Variants in USP11 observed in about 807,000 individuals in gnomAD.
The protein encoded by USP11 is ubiquitin specific peptidase 11.
A neutral mutation model predicts 72.8 loss-of-function variants in USP11; 5 were observed. That is an observed-to-expected ratio of 0.07 (90% CI 0.04 to 0.14). The LOEUF (loss-of-function observed/expected upper bound fraction) is 0.14, where lower values mean the gene tolerates loss of function less well. USP11 is among the 10% of genes least tolerant of loss of function. The pLI, the probability that USP11 is intolerant of heterozygous loss-of-function variation, is 1.00. For missense variants in USP11, 480 were observed against 794.7 expected (o/e 0.60, Z 4.76); for synonymous variants, 368 against 326.5 (o/e 1.13, Z -1.37).
intron 1 of USP11, chrX:47,233,749 G>A: frequency 7.7e-6 from 1 of 130,579 alleles, no homozygotes; most frequent in Non-Finnish European, 1.4e-5. Context: ...ACGAGGTTAG[G>A]TTGGTGACGT....
At chrX:47,235,275 A>T (rs2055366646) in intron 1 of USP11, among the ~76,000 whole-genome samples, 1 of 112,154 alleles carries the variant, frequency 8.9e-6, no homozygotes, top group Non-Finnish European at 1.9e-5. Flanking sequence ...ACATATATAT[A>T]AAATTCTACT....
chrX:47,243,670 T>A (rs766557473), intron 13 of USP11, 68 bp downstream of exon 13: 10 of 1,001,851 alleles, frequency 1.0e-5, no homozygotes, highest in Non-Finnish European at 1.4e-5. Context: ...GTTTAGCTGC[T>A]TATTTGACAC....
intron 2 of USP11, 85 bp downstream of exon 2, chrX:47,239,264 G>T: frequency 1.7e-6 from 2 of 1,177,234 alleles, no homozygotes; most frequent in Non-Finnish European, 2.3e-6. Context: ...CCCATTCTGT[G>T]TGCTAGGTCA....
At chrX:47,246,715 A>T (rs1285788745) in intron 17 of USP11, among the ~76,000 whole-genome samples, 1 of 110,450 alleles carries the variant, frequency 9.1e-6, no homozygotes, top group Non-Finnish European at 1.9e-5. Context: ...GGCGCACAGT[A>T]GGTGCTCAGA....
chrX:47,245,095 G>C lies in USP11; in HGVS notation c.2157+9G>C, dbSNP rs774964795. The C allele has an allele frequency of 1.7e-6, 2 of 1,207,117 alleles. No individual in the cohort carries two copies. The highest frequency in any genetic ancestry group is 2.2e-5 in the Admixed American group (1 of 45,610). On this transcript the variant is annotated intron_variant, in intron 16 of 20. Coordinates refer to ENST00000377107, the MANE Select transcript of USP11 (RefSeq NM_001371072.1). ...ACGAGGTAGAGGCTGAGGTAAATGA[G>C]ATCCCAGGGATGGGGGGTACTTCCA...
At chrX:47,244,397 T>A (rs755754746) in intron 13 of USP11, 101 bp from the exon 14 acceptor site, 1 of 981,650 alleles carries the variant, frequency 1.0e-6, no homozygotes, top group Admixed American at 2.7e-5. Flanking sequence ...ACGGTTTACA[T>A]GTGGATCTAC....
chrX:47,241,529 C>G lies in USP11; in HGVS notation c.1021-12C>G. 3.4e-6 allele frequency: 4 copies of G among 1,192,770 alleles called. No homozygotes were observed. Among genetic ancestry groups the G allele is most frequent in the Non-Finnish European group, 4.5e-6 (4 of 884,969 alleles). ...CTCCCTCTCTCTCTGATGACCCTGC[C>G]CATCTTCTTAGAACAAGGTTGGCCA... is the stretch of plus-strand genomic sequence containing the variant. On this transcript the variant is annotated splice_polypyrimidine_tract_variant and intron_variant, in intron 8 of 20. Coordinates refer to ENST00000377107, the MANE Select transcript of USP11 (RefSeq NM_001371072.1).
intron 12 of USP11, among the ~76,000 whole-genome samples, 175 bp downstream of exon 12, chrX:47,242,895 G>GA (rs754227105): frequency 8.9e-6 from 1 of 112,142 alleles, no homozygotes; most frequent in Non-Finnish European, 1.9e-5. Context: ...AGAATCACTT[G>GA]AACCCGAGAG....
At position 47,241,579 on chromosome X, in the gene USP11, C is replaced by T; in HGVS notation, c.1059C>T (p.Tyr353=). Residue 353 remains tyrosine (Y), a synonymous_variant, in exon 9 of 21, where the codon TAC becomes TAT. Coordinates refer to ENST00000377107, the MANE Select transcript of USP11 (RefSeq NM_001371072.1). ...ATTTTGCATCCCAATTTCTGGGCTA[C>T]CAGCAGCATGACTCTCAGGAGCTGC... ...VGHFASQFLG[Y]QQHDSQELLS... The T allele has an allele frequency of 3.3e-6, 4 of 1,206,246 alleles. No individual in the cohort carries two copies. The highest frequency in any genetic ancestry group is 4.5e-6 in the Non-Finnish European group (4 of 893,018).
intron 1 of USP11, among the ~76,000 whole-genome samples, chrX:47,234,430 TATTAAAG>T (rs1366187734): frequency 1.8e-5 from 2 of 112,410 alleles, no homozygotes; most frequent in Non-Finnish European, 3.7e-5. Flanking sequence ...GGTGAAATTT[TATTAAAG>T]TGGGTAGATA....
chrX:47,233,631 A>T, intron 1 of USP11: 1 of 689,252 alleles, frequency 1.5e-6, no homozygotes, highest in Non-Finnish European at 1.7e-6. Flanking sequence ...GCGGCTGGGA[A>T]CGAGGCGAGC....
intron 1 of USP11, among the ~76,000 whole-genome samples, chrX:47,238,487 CTTTTTTTTTT>C (rs57112058): frequency 2.3e-5 from 1 of 44,315 alleles, no homozygotes; most frequent in Non-Finnish European, 3.6e-5. Flanking sequence ...TGTGCCCGGT[CTTTTTTTTTT>C]TTTTTTTTTT....
chrX:47,242,655 C>G lies in USP11; in HGVS notation c.1518C>G (p.Arg506=). ...RMMVADVFSH[R]FYKLYQLEEP... is the part of the protein sequence containing the mutation. ...TGGTGGCTGATGTCTTCAGTCACCG[C>G]TTCTATAAGCTCTATCAGCTAGAGG... The change falls in exon 12 of 21, where the codon CGC becomes CGG. Residue 506 remains arginine (R), a synonymous_variant. Coordinates refer to ENST00000377107, the MANE Select transcript of USP11 (RefSeq NM_001371072.1). 8.3e-7 allele frequency: 1 copy of G among 1,211,087 alleles called. No individual in the cohort carries two copies. Among genetic ancestry groups the G allele is most frequent in the Non-Finnish European group, 1.1e-6 (1 of 894,800 alleles).
chrX:47,243,321 G>T, intron 12 of USP11, 75 bp from the exon 13 acceptor site: 6 of 1,055,630 alleles, frequency 5.7e-6, no homozygotes, highest in Non-Finnish European at 7.8e-6. Flanking sequence ...AGGATGAGTG[G>T]GTGGGGCAGC....
At chrX:47,238,487 C>CTTTTTTTTTTTT (rs57112058) in intron 1 of USP11, among the ~76,000 whole-genome samples, 2 of 44,315 alleles carry the variant, frequency 4.5e-5, no homozygotes, top group African/African-American at 2.2e-4. Context: ...TGTGCCCGGT[C>CTTTTTTTTTTTT]TTTTTTTTTT....
rs200759841 is a variant in USP11, at chrX:47,244,097, CT to C, written c.1791-382del. Among the ~76,000 whole-genome samples, 448 of 92,240 alleles carry C rather than the reference CT, an allele frequency of 4.9e-3. 1 individual carries two copies. Among genetic ancestry groups the C allele is most frequent in the African/African-American group, 9.4e-3 (220 of 23,346 alleles). 80.1% of individuals were successfully genotyped at this position (92,240 alleles called of 115,157 possible). ...TAGAGTAAAAGTCCACGCTCCATAC[CT>C]TTTTTTTTTTTTTTTTTTGAGATGG... On this transcript the variant is annotated intron_variant, in intron 13 of 20. Coordinates refer to ENST00000377107, the MANE Select transcript of USP11 (RefSeq NM_001371072.1).
Position 47,240,806 on chromosome X carries a change from T to A in USP11, c.776T>A (p.Phe259Tyr). The part of the protein sequence containing the change: ...NNNMSEEDED[F>Y]KGQPGICGLT... ...AACATGTCGGAAGAGGATGAGGACT[T>A]CAAGGGTCAGCCAGGCATCTGTGGC... The change falls in exon 7 of 21, where the codon TTC (phenylalanine) becomes TAC (tyrosine). Residue 259 changes from phenylalanine (F) to tyrosine (Y), a missense_variant. This residue lies in a region of USP11 where 80 missense variants were observed against 100.9 expected (regional missense o/e 0.79). Transcript: ENST00000377107. 8.3e-7 allele frequency: 1 copy of A among 1,211,838 alleles called. No individual in the cohort carries two copies. The highest frequency in any genetic ancestry group is 1.1e-6 in the Non-Finnish European group (1 of 895,473).
intron 18 of USP11, 28 bp downstream of exon 18, chrX:47,247,249 G>T: frequency 8.3e-7 from 1 of 1,211,328 alleles, no homozygotes; most frequent in Non-Finnish European, 1.1e-6. Context: ...GGATGGCTGG[G>T]GGAAGGCAGG....
chrX:47,238,811 T>G (rs1187668215), intron 1 of USP11, among the ~76,000 whole-genome samples: 1 of 111,820 alleles, frequency 8.9e-6, no homozygotes, highest in East Asian at 2.8e-4. Flanking sequence ...TAAGTATGGA[T>G]TTTTTGTTGG....
Sources: gnomAD v4.1 joint callset for allele counts (sites outside exome capture counted in the v4.1 genomes callset) on GRCh38, gnomAD v4.1.1 for gene constraint, gnomAD v4.1.1 regional missense constraint, MANE v1.5 for transcripts, NCBI Gene and HGNC (gene_info 2026-07-23, HGNC 2026-07-21) for gene names.